Variants in DNAJB1 observed in about 807,000 individuals in gnomAD.
DNAJB1 encodes the protein dnaJ homolog subfamily B member 1.
A neutral mutation model predicts 24.0 loss-of-function variants in DNAJB1; 14 were observed. The observed-to-expected ratio is 0.58, with a 90% CI of 0.39 to 0.91. The LOEUF (loss-of-function observed/expected upper bound fraction) is 0.91. Ranked by LOEUF, DNAJB1 falls within the 40% of genes least tolerant of loss-of-function variation. The pLI is 0.00. For synonymous variants in DNAJB1, 262 were observed against 174.4 expected, an observed-to-expected ratio of 1.50 and a Z score of -3.96; for missense variants, 517 against 458.1, an observed-to-expected ratio of 1.13 and a Z score of -1.17.
At chr19:14,559,117 G>T (rs1328883985) in intron 1 of DNAJB1, among the ~76,000 whole-genome samples, 1 of 150,958 alleles carries the variant, frequency 6.6e-6, no homozygotes, top group East Asian at 1.9e-4. Context: ...CCACCCGACT[G>T]TTTTTATTTT....
intron 2 of DNAJB1, among the ~76,000 whole-genome samples, chr19:14,526,924 C>A (rs562729201): frequency 7.6e-4 from 116 of 152,202 alleles, no homozygotes; most frequent in Non-Finnish European, 1.6e-3. Context: ...TGGTCTCAGG[C>A]CGAGTGGGAT....
chr19:14,519,041 T>G (rs1249719616), upstream of DNAJB1, among the ~76,000 whole-genome samples: 1 of 152,142 alleles, frequency 6.6e-6, no homozygotes, highest in Non-Finnish European at 1.5e-5. Flanking sequence ...GAGACCAGCC[T>G]AGGCAACATA....
chr19:14,520,065 CT>C (rs1476246001), upstream of DNAJB1, among the ~76,000 whole-genome samples: 1 of 152,148 alleles, frequency 6.6e-6, no homozygotes, highest in Non-Finnish European at 1.5e-5. Flanking sequence ...GTTACTAGGC[CT>C]TTGCTGGCCT....
chr19:14,523,857 C>T (rs1304901264), intron 2 of DNAJB1, among the ~76,000 whole-genome samples: 1 of 152,162 alleles, frequency 6.6e-6, no homozygotes, highest in Non-Finnish European at 1.5e-5. Flanking sequence ...CACCTGAGCT[C>T]AGGTGATCCG....
intron 1 of DNAJB1, among the ~76,000 whole-genome samples, chr19:14,539,855 T>C (rs1208776645): frequency 1.3e-5 from 2 of 149,306 alleles, no homozygotes; most frequent in Admixed American, 6.8e-5. Flanking sequence ...TCGCAGCCCA[T>C]CTGGGCTTGG....
intron 1 of DNAJB1, among the ~76,000 whole-genome samples, chr19:14,557,823 T>G (rs1360635328): frequency 1.3e-5 from 2 of 151,846 alleles, no homozygotes. Flanking sequence ...TGGCGCGATC[T>G]CGGTTCACTG....
rs2072228170 is a variant in DNAJB1 at position 14,514,848 on chromosome 19, CTTACA to C, written c.*1087_*1091del. On this transcript the variant is annotated 3_prime_UTR_variant, in exon 3 of 3. Coordinates refer to ENST00000254322, the MANE Select transcript of DNAJB1 (RefSeq NM_006145.3). ...TTTGGTCTCATGTTGGCAGTGGCAA[CTTACA>C]ATGAGTCTAAAGGTCTGAGCACTGG... 6.6e-6 allele frequency: 1 copy of C among 152,616 alleles called. No individual in the cohort carries two copies. Among genetic ancestry groups the C allele is most frequent in the Non-Finnish European group, 1.5e-5 (1 of 68,050 alleles). The allele number at this position is 152,616 out of a possible 1,614,324, so 9.5% of individuals were successfully genotyped here. A position where few individuals can be genotyped will look rare whatever the true frequency, so the allele number is the denominator to read the frequency against.
At chr19:14,529,561 C>A, upstream of DNAJB1, 2 of 1,368,616 alleles carry the variant, frequency 1.5e-6, no homozygotes, top group Non-Finnish European at 1.0e-6. Flanking sequence ...GGGGCGCGCG[C>A]GGCCTGGAGG....
In DNAJB1 at chr19:14,515,956, T is replaced by C. The variant is rs201154155; in HGVS notation, c.1007A>G (p.Gln336Arg). Residue 336 changes from glutamine to arginine, a missense_variant, in exon 3 of 3, where the codon CAG becomes CGG. Physicochemically the swap from Gln to Arg is conservative, Grantham distance 43. Coordinates refer to ENST00000254322, the MANE Select transcript of DNAJB1 (RefSeq NM_006145.3). ...IPQTSRTVLE[Q>R]VLPI ...CTCAGATAGCTATATTGGAAGAACC[T>C]GCTCAAGTACGGTTCTTGATGTCTG... 8.1e-6 allele frequency: 13 copies of C among 1,607,952 alleles called. No homozygotes were observed. The highest frequency in any genetic ancestry group is 1.7e-5 in the Admixed American group (1 of 57,770).
rs1433767205 is a variant in DNAJB1, at chr19:14,516,546, C to T, written c.712G>A (p.Val238Ile). Residue 238 changes from valine (V) to isoleucine (I), a missense_variant, in exon 2 of 3, where the codon GTT becomes ATT. Val to Ile is a conservative substitution (Grantham distance 29). Transcript: ENST00000254322. ...ATATTGTGGGGCTTGTCCTTTAAAA[C>T]AAAGACGATATCAGCTGGAATGTTG... ...SNNIPADIVF[V>I]LKDKPHNIFK... 3 of 1,614,098 alleles carry T rather than the reference C, an allele frequency of 1.9e-6. No individual in the cohort carries two copies. The highest frequency in any genetic ancestry group is 2.5e-6 in the Non-Finnish European group (3 of 1,180,046).
rs561757817 is a variant in DNAJB1, at chr19:14,529,087, T to C, written c.-175+123A>G. 2.6e-4 allele frequency: 40 copies of C among 156,740 alleles called. 1 individual carries two copies. In the South Asian group the frequency reaches 6.4e-3, roughly 25 times the overall value. 9.7% of individuals were successfully genotyped at this position (156,740 alleles called of 1,614,324 possible). ...GCTTTTCGCGACTCCGTTTCGCCTT[T>C]CCTTCCCTCCCACTCAAGAGTCTCC... On this transcript the variant is annotated intron_variant, in intron 1 of 3. Transcript: ENST00000396969.
upstream of DNAJB1, chr19:14,529,583 C>A: frequency 6.5e-7 from 1 of 1,535,414 alleles, no homozygotes. Context: ...GCGGGGCGGA[C>A]GCAGAGCCGC....
upstream of DNAJB1, among the ~76,000 whole-genome samples, chr19:14,519,009 G>T (rs539962103): frequency 6.6e-6 from 1 of 152,230 alleles, no homozygotes; most frequent in African/African-American, 2.4e-5. Context: ...AAGACAGGAG[G>T]ATCTCTTGAG....
upstream of DNAJB1, among the ~76,000 whole-genome samples, chr19:14,518,744 G>A (rs1260690574): frequency 1.3e-5 from 2 of 152,226 alleles, no homozygotes; most frequent in Non-Finnish European, 2.9e-5. Context: ...AGTAGGTCGG[G>A]ACCCACAGCG....
chr19:14,540,421 C>G (rs1031434911), intron 1 of DNAJB1, among the ~76,000 whole-genome samples: 1 of 150,904 alleles, frequency 6.6e-6, no homozygotes, highest in African/African-American at 2.4e-5. Context: ...GAGGCAGAGT[C>G]GTGCTCTGTC....
intron 1 of DNAJB1, among the ~76,000 whole-genome samples, chr19:14,545,546 C>T (rs924308668): frequency 2.0e-5 from 3 of 152,194 alleles, no homozygotes; most frequent in South Asian, 4.1e-4. Flanking sequence ...TGCGCACTGT[C>T]ATATCCCGGC....
At chr19:14,557,850 G>A (rs951619840) in intron 1 of DNAJB1, among the ~76,000 whole-genome samples, 5 of 151,896 alleles carry the variant, frequency 3.3e-5, no homozygotes, top group African/African-American at 1.2e-4. Context: ...CTGCCTCCCG[G>A]GTTCGCGCCA....
At chr19:14,522,942 G>A (rs373316717), upstream of DNAJB1, among the ~76,000 whole-genome samples, 127 of 152,226 alleles carry the variant, frequency 8.3e-4, 1 homozygote, top group South Asian at 0.025. Context: ...GGCCGGGTGC[G>A]GTGGCTCATG....
intron 1 of DNAJB1, among the ~76,000 whole-genome samples, chr19:14,542,445 T>C (rs1183416461): frequency 7.4e-6 from 1 of 134,584 alleles, no homozygotes. Context: ...CACTGCAACC[T>C]CCGCCTCCCG....
Sources: allele counts gnomAD v4.1 joint callset (sites outside exome capture counted in the v4.1 genomes callset), GRCh38; gene constraint gnomAD v4.1.1; transcripts MANE v1.5; gene names NCBI Gene and HGNC (gene_info 2026-07-23, HGNC 2026-07-21).